The following SPATA22 variants were observed in gnomAD, a reference collection of about 807,000 sequenced individuals.
The protein encoded by SPATA22 is spermatogenesis associated 22, also known as spermatogenesis-associated protein 22.
A neutral mutation model predicts 47.8 loss-of-function variants in SPATA22; 29 were observed. That is an observed-to-expected ratio of 0.61 (90% CI 0.45 to 0.83). The LOEUF (loss-of-function observed/expected upper bound fraction) is 0.83, where lower values mean the gene tolerates loss of function less well. SPATA22 is among the 40% of genes least tolerant of loss of function. SPATA22 has a pLI of 0.00. For synonymous variants in SPATA22, 133 were observed against 140.9 expected, an observed-to-expected ratio of 0.94 and a Z score of 0.40; for missense variants, 410 against 421.7, an observed-to-expected ratio of 0.97 and a Z score of 0.24.
At chr17:3,455,164 T>A (rs995337567) in intron 5 of SPATA22, among the ~76,000 whole-genome samples, 4 of 152,190 alleles carry the variant, frequency 2.6e-5, no homozygotes, top group Non-Finnish European at 5.9e-5. Context: ...CTTGTAAATT[T>A]GTTGGAGTTC....
Position 3,483,531 on chromosome 17 carries a change from T to G in SPATA22, c.-73-14133A>C. On this transcript the variant is annotated intron_variant, in intron 1 of 8. Coordinates refer to the SPATA22 transcript ENST00000541913. ...TGGCTCCACTACCCTGCTACGTTTA[T>G]CTGATTGAGCATCCTTCCCTCAAAT... The G allele has an allele frequency of 6.2e-7, 1 of 1,614,228 alleles. No homozygotes were observed. The highest frequency in any genetic ancestry group is 8.5e-7 in the Non-Finnish European group (1 of 1,180,030).
chr17:3,460,075 AG>A (rs1311176992), intron 5 of SPATA22, among the ~76,000 whole-genome samples: 1 of 152,222 alleles, frequency 6.6e-6, no homozygotes, highest in Non-Finnish European at 1.5e-5. Flanking sequence ...TCCACACACA[AG>A]CACGTTAGAT....
At chr17:3,508,004 C>G (rs1460440603) in intron 1 of SPATA22, among the ~76,000 whole-genome samples, 3 of 152,196 alleles carry the variant, frequency 2.0e-5, no homozygotes, top group African/African-American at 7.2e-5. Context: ...CACGTACAAT[C>G]CCTGTCTTGC....
intron 1 of SPATA22, chr17:3,499,209 T>A: frequency 1.1e-6 from 1 of 938,722 alleles, no homozygotes; most frequent in Non-Finnish European, 1.6e-6. Context: ...AGTGCCTTAT[T>A]CGGTAGGCAT....
chr17:3,477,103 C>A (rs2073537356), intron 1 of SPATA22, among the ~76,000 whole-genome samples: 2 of 151,876 alleles, frequency 1.3e-5, no homozygotes, highest in South Asian at 2.1e-4. Context: ...TGCAGTGAGC[C>A]AAGATTGTGC....
At chr17:3,503,879 A>G (rs897090591) in intron 1 of SPATA22, among the ~76,000 whole-genome samples, 3 of 152,188 alleles carry the variant, frequency 2.0e-5, no homozygotes, top group African/African-American at 2.4e-5. Context: ...GCTAAGACAT[A>G]TAAGCACTTA....
chr17:3,485,949 T>TTTTTA lies in SPATA22; in HGVS notation c.-73-16552_-73-16551insTAAAA, dbSNP rs2073712654. Among the ~76,000 whole-genome samples the TTTTTA allele has an allele frequency of 7.1e-6, 1 of 141,496 alleles. No individual in the cohort carries two copies. Among genetic ancestry groups the TTTTTA allele is most frequent in the African/African-American group, 2.5e-5 (1 of 39,826 alleles). 92.8% of individuals were successfully genotyped at this position (141,496 alleles called of 152,430 possible). On this transcript the variant is annotated intron_variant, in intron 1 of 8. Transcript: ENST00000541913. This position sits in a 1 kb window ranked among gnomAD's most constrained non-coding sequence, Gnocchi z 4.4. The stretch of plus-strand genomic sequence containing the variant: ...AGGAGGGAACCTTTTTTTTTTTTTT[T>TTTTTA]GAGACGGAGTTTCGCTCTTGTTGCC...
At chr17:3,495,546 GTTTGTTTTTGTT>G (rs149605858) in intron 1 of SPATA22, among the ~76,000 whole-genome samples, 126,427 of 151,058 alleles carry the variant, frequency 0.84, 53,934 homozygotes, top group Non-Finnish European at 0.9. Flanking sequence ...CTTAGGCAGT[GTTTGTTTTTGTT>G]TTTGTTTTTG....
At chr17:3,465,188 C>A (rs1225757729) in intron 3 of SPATA22, among the ~76,000 whole-genome samples, 7 of 135,974 alleles carry the variant, frequency 5.1e-5, no homozygotes, top group African/African-American at 1.7e-4. Context: ...CCAGCCGCCT[C>A]GTCCAGGAGG....
chr17:3,448,745 A>T, intron 6 of SPATA22, 62 bp downstream of exon 6: 1 of 1,255,288 alleles, frequency 8.0e-7, no homozygotes, highest in Middle Eastern at 2.2e-4. Flanking sequence ...GTAGTTTTCT[A>T]AATATTTACC....
intron 1 of SPATA22, among the ~76,000 whole-genome samples, chr17:3,493,301 G>A (rs1007260681): frequency 2.6e-5 from 4 of 152,146 alleles, no homozygotes; most frequent in African/African-American, 7.2e-5. Context: ...GGTGGCTCAC[G>A]CCTGTAATCC....
At chr17:3,480,831 A>C (rs1011352602) in intron 1 of SPATA22, among the ~76,000 whole-genome samples, 3 of 152,230 alleles carry the variant, frequency 2.0e-5, no homozygotes, top group African/African-American at 7.2e-5. Context: ...GATAGCTTGG[A>C]GATTAGAAGC....
chr17:3,508,426 T>C (rs2074062384), intron 1 of SPATA22, among the ~76,000 whole-genome samples: 1 of 151,852 alleles, frequency 6.6e-6, no homozygotes, highest in Non-Finnish European at 1.5e-5. Context: ...CTATAAATCA[T>C]GCTGCTATAA....
At chr17:3,509,198 T>C (rs2150771888) in intron 1 of SPATA22, among the ~76,000 whole-genome samples, 1 of 151,694 alleles carries the variant, frequency 6.6e-6, no homozygotes, top group South Asian at 2.1e-4. Flanking sequence ...TTTTTTTATT[T>C]CTTCCAAAAA....
intron 1 of SPATA22, chr17:3,510,384 T>A (rs1486775215): frequency 6.6e-6 from 1 of 152,228 alleles, no homozygotes; most frequent in Non-Finnish European, 1.5e-5. Flanking sequence ...CCGGAACCAA[T>A]GATAATGCTT....
chr17:3,446,623 T>C (rs982559073), intron 6 of SPATA22, 22 bp from the exon 7 acceptor site: 14 of 1,480,150 alleles, frequency 9.5e-6, no homozygotes, highest in East Asian at 7.2e-5. Flanking sequence ...ATAAGAAACA[T>C]AGTATTAGAA....
rs1330605188 is a variant in SPATA22 at position 3,496,933 on chromosome 17, GC to G, written c.-74+16478del. Among the ~76,000 whole-genome samples, 3 of 152,182 alleles carry G rather than the reference GC, an allele frequency of 2.0e-5. 1 individual carries two copies. Among genetic ancestry groups the G allele is most frequent in the Non-Finnish European group, 4.4e-5 (3 of 68,038 alleles). ...TACAAAAAATTAGCCGGGCATGGTG[GC>G]AGGCGCCTGTAATCCCAGCTACTCG... is the stretch of plus-strand genomic sequence containing the variant. On this transcript the variant is annotated intron_variant, in intron 1 of 8. Transcript: ENST00000541913.
chr17:3,468,517 TTA>T (rs1368820583), intron 2 of SPATA22, among the ~76,000 whole-genome samples: 4 of 152,224 alleles, frequency 2.6e-5, no homozygotes, highest in African/African-American at 9.6e-5. Flanking sequence ...AGGTCTTGAA[TTA>T]TGACTTCAAA....
rs866064288 is a variant in SPATA22, at chr17:3,465,307, G to A, written c.172+2119C>T. ...CAACAGCTCATTGAGAACGGGCCAT[G>A]ATGACAATGGCGGTTTTGTGGAATA... On this transcript the variant is annotated intron_variant, in intron 3 of 8. Coordinates refer to ENST00000572969, the MANE Select transcript of SPATA22 (RefSeq NM_001170698.2). Among the ~76,000 whole-genome samples, 159 of 151,984 alleles carry A rather than the reference G, an allele frequency of 1.0e-3. 3 individuals are homozygous for A. The highest frequency in any genetic ancestry group is 7.7e-3 in the South Asian group (37 of 4,786).
Sources: gnomAD v4.1 joint callset for allele counts (sites outside exome capture counted in the v4.1 genomes callset) on GRCh38, gnomAD v4.1.1 for gene constraint, Gnocchi (gnomAD v3.1) non-coding constraint, MANE v1.5 for transcripts, NCBI Gene and HGNC (gene_info 2026-07-23, HGNC 2026-07-21) for gene names.